Variants in SGCZ observed in about 807,000 individuals in gnomAD.
The protein encoded by SGCZ is zeta-sarcoglycan.
Under a neutral mutation model 41.3 loss-of-function variants are expected in SGCZ, and 40 were observed. That is an observed-to-expected ratio of 0.97 (90% CI 0.75 to 1.26). The LOEUF is 1.26. Ranked by LOEUF, SGCZ falls within the 50% of genes most tolerant of loss-of-function variation. SGCZ has a pLI of 0.00. For synonymous variants in SGCZ, 206 were observed against 137.5 expected (o/e 1.50, Z -3.49); for missense variants, 552 against 369.8 (o/e 1.49, Z -4.04).
chr8:15,048,963 C>A (rs751054886), intron 1 of SGCZ, among the ~76,000 whole-genome samples: 1 of 152,052 alleles, frequency 6.6e-6, no homozygotes, highest in Non-Finnish European at 1.5e-5. Context: ...CCAAGACAAA[C>A]GTACTTTACT....
At chr8:14,258,345 C>G (rs1799537429) in intron 3 of SGCZ, among the ~76,000 whole-genome samples, 1 of 152,110 alleles carries the variant, frequency 6.6e-6, no homozygotes, top group Non-Finnish European at 1.5e-5. Context: ...GTCCTCTGCA[C>G]TCTGCAAACA....
chr8:14,528,827 C>CAAAAAACAAAAAAAA (rs1803032348), intron 2 of SGCZ, among the ~76,000 whole-genome samples: 1 of 52,706 alleles, frequency 1.9e-5, no homozygotes, highest in African/African-American at 1.1e-4. Context: ...ACGGACCAGC[C>CAAAAAACAAAAAAAA]AAAAAAAAAA....
At chr8:14,371,366 G>A (rs1410441911) in intron 2 of SGCZ, among the ~76,000 whole-genome samples, 1 of 151,946 alleles carries the variant, frequency 6.6e-6, no homozygotes. Context: ...TGGTATTAGA[G>A]TTCAGTTAAG....
chr8:14,387,781 G>A (rs527847016), intron 2 of SGCZ, among the ~76,000 whole-genome samples: 160 of 151,992 alleles, frequency 1.1e-3, no homozygotes, highest in African/African-American at 3.7e-3. Context: ...TCCCATTAAG[G>A]TTCTATTTAG....
In SGCZ at chr8:14,190,796, G is replaced by T. The variant is rs142745582; in HGVS notation, c.425-26094C>A. 2.8e-4 allele frequency among the ~76,000 whole-genome samples: 42 copies of T among 151,814 alleles called. No individual in the cohort carries two copies. The South Asian group carries it at 6.1e-3, about 22-fold the overall frequency. On this transcript the variant is annotated intron_variant, in intron 4 of 7. Coordinates refer to ENST00000382080, the MANE Select transcript of SGCZ (RefSeq NM_139167.4). ...TTTTTATATTTTTAGTAGAGACGGCGTTTCACTGTGTTAGCCAGGATGGTC... is the reference window on the plus strand; with the variant it reads ...TTTTTATATTTTTAGTAGAGACGGCTTTTCACTGTGTTAGCCAGGATGGTC...
chr8:14,533,760 T>C (rs1803209255), intron 2 of SGCZ, among the ~76,000 whole-genome samples: 2 of 152,036 alleles, frequency 1.3e-5, no homozygotes, highest in Non-Finnish European at 2.9e-5. Flanking sequence ...TTAACCAAAA[T>C]ATATCTTTCC....
At chr8:15,018,383 A>T (rs930553479) in intron 1 of SGCZ, among the ~76,000 whole-genome samples, 1 of 152,350 alleles carries the variant, frequency 6.6e-6, no homozygotes. Context: ...AGAAAATACC[A>T]GGGAGTAATC....
At chr8:14,834,190 G>A (rs941480992) in intron 1 of SGCZ, among the ~76,000 whole-genome samples, 1 of 152,004 alleles carries the variant, frequency 6.6e-6, no homozygotes, top group African/African-American at 2.4e-5. Context: ...GAACAACTGT[G>A]TCCTTCCTTA....
At chr8:14,572,854 T>G (rs1294111977) in intron 1 of SGCZ, among the ~76,000 whole-genome samples, 1 of 152,188 alleles carries the variant, frequency 6.6e-6, no homozygotes, top group Non-Finnish European at 1.5e-5. Flanking sequence ...AGGTCTGTTT[T>G]TTTTGATATG....
intron 1 of SGCZ, among the ~76,000 whole-genome samples, chr8:14,804,491 G>A (rs1215582450): frequency 8.2e-6 from 1 of 122,124 alleles, no homozygotes; most frequent in African/African-American, 3.0e-5. Flanking sequence ...AGTGGAAGAT[G>A]AAATGAATGA....
At chr8:14,429,833 G>T (rs6994805) in intron 2 of SGCZ, among the ~76,000 whole-genome samples, 16,753 of 151,542 alleles carry the variant, frequency 0.11, 2,349 homozygotes, top group African/African-American at 0.33. Flanking sequence ...TTTCAATCTT[G>T]CTGCATGTTA....
intron 1 of SGCZ, among the ~76,000 whole-genome samples, chr8:14,852,080 C>G (rs925049184): frequency 6.6e-6 from 1 of 152,088 alleles, no homozygotes; most frequent in Non-Finnish European, 1.5e-5. Flanking sequence ...AGTTAGTACA[C>G]TGTTGGTCCC....
intron 2 of SGCZ, among the ~76,000 whole-genome samples, chr8:14,537,097 A>C (rs184452076): frequency 1.2e-3 from 188 of 152,072 alleles, no homozygotes; most frequent in African/African-American, 4.4e-3. Flanking sequence ...GCTCTTCTGA[A>C]TACCCAGCAG....
At chr8:14,655,309 C>T (rs147955709) in intron 1 of SGCZ, among the ~76,000 whole-genome samples, 1 of 152,078 alleles carries the variant, frequency 6.6e-6, no homozygotes, top group African/African-American at 2.4e-5. Context: ...AGAAGGTGTT[C>T]ATATGTTCAA....
intron 1 of SGCZ, among the ~76,000 whole-genome samples, chr8:15,177,783 T>C (rs1800044007): frequency 6.6e-6 from 1 of 152,172 alleles, no homozygotes. Flanking sequence ...CCTGTCTTGG[T>C]TATTCTCTGA....
At chr8:14,655,061 T>G (rs970138246) in intron 1 of SGCZ, among the ~76,000 whole-genome samples, 1 of 152,114 alleles carries the variant, frequency 6.6e-6, no homozygotes, top group African/African-American at 2.4e-5. Flanking sequence ...CAGAGCAATT[T>G]TGGGTTCTTT....
intron 5 of SGCZ, among the ~76,000 whole-genome samples, chr8:14,155,042 T>C (rs1470993045): frequency 6.6e-6 from 1 of 152,216 alleles, no homozygotes; most frequent in Non-Finnish European, 1.5e-5. Context: ...AGCCACTCTG[T>C]TTTGGAGTAG....
intron 1 of SGCZ, among the ~76,000 whole-genome samples, chr8:14,939,542 C>T (rs1800198412): frequency 6.6e-6 from 1 of 152,104 alleles, no homozygotes; most frequent in African/African-American, 2.4e-5. Flanking sequence ...AATGAAATTA[C>T]TCAAGCAACA....
At chr8:14,664,025 T>C (rs997891997) in intron 1 of SGCZ, among the ~76,000 whole-genome samples, 1 of 152,146 alleles carries the variant, frequency 6.6e-6, no homozygotes, top group Non-Finnish European at 1.5e-5. Flanking sequence ...ATAATCAAAA[T>C]TCACTCCAAC....
Sources: allele counts gnomAD v4.1 joint callset (sites outside exome capture counted in the v4.1 genomes callset), GRCh38; gene constraint gnomAD v4.1.1; transcripts MANE v1.5; gene names NCBI Gene and HGNC (gene_info 2026-07-23, HGNC 2026-07-21).